The following CDKAL1 variants were observed in gnomAD, a reference collection of about 807,000 sequenced individuals.
CDKAL1 encodes CDKAL1 threonylcarbamoyladenosine tRNA methylthiotransferase, also known as threonylcarbamoyladenosine tRNA methylthiotransferase.
Under a neutral mutation model 68.2 loss-of-function variants are expected in CDKAL1, and 32 were observed. That is an observed-to-expected ratio of 0.47 (90% CI 0.35 to 0.63). The LOEUF (loss-of-function observed/expected upper bound fraction) is 0.63, where lower values mean the gene tolerates loss of function less well. CDKAL1 is among the 30% of genes least tolerant of loss of function. The pLI, the probability that CDKAL1 is intolerant of heterozygous loss-of-function variation, is 0.00. For missense variants in CDKAL1, 606 were observed against 696.7 expected, an observed-to-expected ratio of 0.87 and a Z score of 1.47; for synonymous variants, 234 against 244.3, an observed-to-expected ratio of 0.96 and a Z score of 0.39.
chr6:20,702,198 C>G (rs1771394456), intron 5 of CDKAL1, among the ~76,000 whole-genome samples: 1 of 152,206 alleles, frequency 6.6e-6, no homozygotes, highest in Non-Finnish European at 1.5e-5. Context: ...CAGTCTCCCA[C>G]TGCTCGAACC....
intron 6 of CDKAL1, among the ~76,000 whole-genome samples, chr6:20,752,902 C>T (rs902752121): frequency 9.2e-5 from 14 of 152,262 alleles, no homozygotes; most frequent in African/African-American, 3.1e-4. Flanking sequence ...TCTCTTCAGT[C>T]TCCTTTAATC....
intron 9 of CDKAL1, among the ~76,000 whole-genome samples, chr6:20,940,839 C>T (rs1218816048): frequency 6.6e-6 from 1 of 152,072 alleles, no homozygotes; most frequent in African/African-American, 2.4e-5. Flanking sequence ...GCCTGTAATC[C>T]CAGCACTTTG....
intron 9 of CDKAL1, among the ~76,000 whole-genome samples, chr6:20,911,492 T>C (rs1400304619): frequency 6.6e-6 from 1 of 152,236 alleles, no homozygotes; most frequent in Non-Finnish European, 1.5e-5. Flanking sequence ...TAATCTCTTA[T>C]GTGGGCAGGG....
intron 4 of CDKAL1, among the ~76,000 whole-genome samples, chr6:20,618,441 G>T (rs573031491): frequency 1.3e-5 from 2 of 152,034 alleles, no homozygotes; most frequent in African/African-American, 4.8e-5. Flanking sequence ...GTCAATTTTG[G>T]CTTTTGTTGC....
intron 4 of CDKAL1, among the ~76,000 whole-genome samples, chr6:20,643,735 A>G (rs1357350606): frequency 6.6e-6 from 1 of 152,236 alleles, no homozygotes; most frequent in Non-Finnish European, 1.5e-5. Flanking sequence ...GGAAAAGTTT[A>G]GGGTATTATC....
intron 5 of CDKAL1, among the ~76,000 whole-genome samples, chr6:20,658,059 C>T (rs1225554493): frequency 6.6e-6 from 1 of 152,116 alleles, no homozygotes; most frequent in Admixed American, 6.5e-5. Flanking sequence ...ATAAAATTTG[C>T]TCTTAATGAT....
At chr6:20,578,000 T>G (rs1764983048) in intron 4 of CDKAL1, among the ~76,000 whole-genome samples, 1 of 152,106 alleles carries the variant, frequency 6.6e-6, no homozygotes, top group South Asian at 2.1e-4. Flanking sequence ...GTAGTTACAA[T>G]AAAAAGAACA....
intron 9 of CDKAL1, among the ~76,000 whole-genome samples, chr6:20,880,190 C>T (rs1297546314): frequency 3.3e-5 from 5 of 152,104 alleles, no homozygotes; most frequent in Admixed American, 6.6e-5. Context: ...AGTGGGAATG[C>T]GAGATAATCG....
intron 13 of CDKAL1, among the ~76,000 whole-genome samples, chr6:21,128,471 C>T (rs997142458): frequency 6.6e-6 from 1 of 152,190 alleles, no homozygotes; most frequent in African/African-American, 2.4e-5. Flanking sequence ...ATTGGGTTGA[C>T]TTTACCTGGC....
chr6:20,924,593 C>G (rs1313958983), intron 9 of CDKAL1, among the ~76,000 whole-genome samples: 3 of 152,356 alleles, frequency 2.0e-5, no homozygotes, highest in East Asian at 1.9e-4. Flanking sequence ...CCATAACATT[C>G]TCTTAAGCTA....
intron 5 of CDKAL1, among the ~76,000 whole-genome samples, chr6:20,688,650 T>C (rs1269481630): frequency 6.6e-6 from 1 of 152,212 alleles, no homozygotes; most frequent in Non-Finnish European, 1.5e-5. Flanking sequence ...CTTCTTTTCT[T>C]ACATGCTGTC....
intron 15 of CDKAL1, among the ~76,000 whole-genome samples, chr6:21,229,991 G>A (rs773156823): frequency 6.6e-6 from 1 of 152,184 alleles, no homozygotes; most frequent in Non-Finnish European, 1.5e-5. Context: ...TATCTGGCAT[G>A]AAGAGAAAAT....
intron 5 of CDKAL1, among the ~76,000 whole-genome samples, chr6:20,676,031 A>G (rs1449053068): frequency 6.6e-6 from 1 of 152,254 alleles, no homozygotes; most frequent in Admixed American, 6.5e-5. Context: ...CAAAAGGTAA[A>G]TTAAACGTTT....
chr6:20,843,588 A>G (rs1778259687), intron 8 of CDKAL1, among the ~76,000 whole-genome samples: 1 of 152,204 alleles, frequency 6.6e-6, no homozygotes, highest in South Asian at 2.1e-4. Flanking sequence ...AAGGTAATTT[A>G]CATAATATTT....
At chr6:21,038,081 A>T (rs34874522) in intron 11 of CDKAL1, among the ~76,000 whole-genome samples, 16,692 of 152,224 alleles carry the variant, frequency 0.11, 1,230 homozygotes, top group Non-Finnish European at 0.16. Context: ...AGTGGAGAAG[A>T]TTTAGAAATA....
chr6:20,913,997 G>T (rs1444413979), intron 9 of CDKAL1, among the ~76,000 whole-genome samples: 1 of 151,454 alleles, frequency 6.6e-6, no homozygotes, highest in East Asian at 2.0e-4. Flanking sequence ...TCTCTTAAAA[G>T]AAAAACAACA....
intron 13 of CDKAL1, among the ~76,000 whole-genome samples, chr6:21,142,555 G>A (rs1272374839): frequency 2.6e-5 from 4 of 152,190 alleles, no homozygotes; most frequent in Non-Finnish European, 5.9e-5. Context: ...CTCATTGGCA[G>A]CAACTCAGCA....
chr6:20,930,902 G>A (rs748008824), intron 9 of CDKAL1, among the ~76,000 whole-genome samples: 4 of 151,978 alleles, frequency 2.6e-5, no homozygotes, highest in African/African-American at 9.7e-5. Context: ...CTGCCACCGC[G>A]CCCGGCTAAT....
At chr6:21,121,860 C>T (rs1774732221) in intron 13 of CDKAL1, among the ~76,000 whole-genome samples, 1 of 152,032 alleles carries the variant, frequency 6.6e-6, no homozygotes, top group African/African-American at 2.4e-5. Flanking sequence ...AATATGTTTC[C>T]TCTTCTAAAA....
Sources: gnomAD v4.1 joint callset for allele counts (sites outside exome capture counted in the v4.1 genomes callset) on GRCh38, gnomAD v4.1.1 for gene constraint, MANE v1.5 for transcripts, NCBI Gene and HGNC (gene_info 2026-07-23, HGNC 2026-07-21) for gene names.